The following LRP6 variants were observed in gnomAD, a reference collection of about 807,000 sequenced individuals.
LRP6 encodes low-density lipoprotein receptor-related protein 6.
LRP6 carries 43 observed loss-of-function variants against 184.1 expected under a neutral mutation model. The ratio of observed to expected loss-of-function variants is 0.23; its 90% CI spans 0.18 to 0.30. LRP6 has a LOEUF of 0.30. Among genes scored for constraint, LRP6 ranks in the 10% least tolerant of loss-of-function variants. The pLI, the probability that LRP6 is intolerant of heterozygous loss-of-function variation, is 1.00. For missense variants in LRP6, 1,571 were observed against 2,005.3 expected, an observed-to-expected ratio of 0.78 and a Z score of 4.14; for synonymous variants, 719 against 684.9, an observed-to-expected ratio of 1.05 and a Z score of -0.78.
intron 6 of LRP6, among the ~76,000 whole-genome samples, chr12:12,180,240 C>CTTTT (rs35341305): frequency 4.0e-5 from 5 of 126,122 alleles, no homozygotes; most frequent in African/African-American, 5.9e-5. Flanking sequence ...AGTTTTACTT[C>CTTTT]TTTTTTTTTT....
At position 12,140,196 on chromosome 12, in the gene LRP6, T is replaced by TA. The variant is rs574176546; in HGVS notation, c.3398-1663dup. ...CAGAAGAAAACAAATAAATACCAAT[T>TA]AAAAAAAAAACAAAAAACCTAAAGA... On this transcript the variant is annotated intron_variant, in intron 15 of 22. Transcript: ENST00000261349. Among the ~76,000 whole-genome samples the TA allele has an allele frequency of 6.0e-3, 854 of 142,136 alleles. 10 individuals are homozygous for TA. The highest frequency in any genetic ancestry group is 0.02 in the South Asian group (86 of 4,410). The allele number at this position is 142,136 out of a possible 152,430, so 93.2% of individuals were successfully genotyped here. A position where few individuals can be genotyped will look rare whatever the true frequency, so the allele number is the denominator to read the frequency against.
Position 12,119,765 on chromosome 12 carries a change from G to A in LRP6, c.*1361C>T, listed in dbSNP as rs1949568671. ...ATAATTTGTGGATAATTTGAAAACA[G>A]CCTAACATTCACAGTGGGTAACAGA... On this transcript the variant is annotated 3_prime_UTR_variant, in exon 23 of 23. Coordinates refer to ENST00000261349, the MANE Select transcript of LRP6 (RefSeq NM_002336.3). 1 of 151,800 alleles carries A rather than the reference G, an allele frequency of 6.6e-6. No homozygotes were observed. Among genetic ancestry groups the A allele is most frequent in the Non-Finnish European group, 1.5e-5 (1 of 67,960 alleles). 9.4% of individuals were successfully genotyped at this position (151,800 alleles called of 1,614,324 possible).
chr12:12,194,549 T>G (rs1043140339), intron 3 of LRP6, among the ~76,000 whole-genome samples: 9 of 152,156 alleles, frequency 5.9e-5, no homozygotes, highest in African/African-American at 2.2e-4. Context: ...TAGTTTAGTC[T>G]TAAGCCCCAT....
chr12:12,225,200 G>A (rs552766028), intron 2 of LRP6, among the ~76,000 whole-genome samples: 5 of 152,106 alleles, frequency 3.3e-5, no homozygotes, highest in South Asian at 2.1e-4. Flanking sequence ...GCGACAAAGC[G>A]AGACTCCACC....
chr12:12,168,466 T>C (rs1862946470), intron 7 of LRP6, among the ~76,000 whole-genome samples: 1 of 152,184 alleles, frequency 6.6e-6, no homozygotes, highest in South Asian at 2.1e-4. Flanking sequence ...ATGCCTTGAC[T>C]GAGATAGAAC....
chr12:12,266,629 G>C, intron 1 of LRP6, 52 bp downstream of exon 1: 3 of 1,255,044 alleles, frequency 2.4e-6, no homozygotes, highest in Non-Finnish European at 2.3e-6. Context: ...CATACAACAA[G>C]GCCACCTCCC....
intron 16 of LRP6, among the ~76,000 whole-genome samples, 179 bp from the exon 17 acceptor site, chr12:12,135,479 CATTATTATT>C (rs35053686): frequency 2.4e-4 from 34 of 144,178 alleles, no homozygotes; most frequent in Admixed American, 1.0e-3. Context: ...TTACTTTTAT[CATTATTATT>C]ATTATTATTA....
intron 2 of LRP6, among the ~76,000 whole-genome samples, chr12:12,205,325 C>CAAAAAAAAAAAAAAAAAA (rs1334062234): frequency 1.1e-4 from 3 of 26,244 alleles, no homozygotes; most frequent in Admixed American, 4.1e-4. Context: ...CTGTCTCAAA[C>CAAAAAAAAAAAAAAAAAA]AAACAAAAAA....
chr12:12,186,011 A>G (rs1863463278), intron 4 of LRP6, among the ~76,000 whole-genome samples: 1 of 151,662 alleles, frequency 6.6e-6, no homozygotes, highest in Non-Finnish European at 1.5e-5. Flanking sequence ...ACGCCTGGCT[A>G]ATATTTTTGT....
chr12:12,199,684 G>A (rs940234565), intron 3 of LRP6, among the ~76,000 whole-genome samples: 3 of 151,990 alleles, frequency 2.0e-5, no homozygotes, highest in East Asian at 1.9e-4. Flanking sequence ...AACAAGGCTC[G>A]GCCAGGCACG....
intron 7 of LRP6, among the ~76,000 whole-genome samples, chr12:12,167,807 A>G (rs2136957923): frequency 6.6e-6 from 1 of 152,338 alleles, no homozygotes; most frequent in South Asian, 2.1e-4. Context: ...AAATGTAAAC[A>G]GCTAAATGAT....
In LRP6 at chr12:12,138,007, TA is replaced by T. The variant is rs879734445; in HGVS notation, c.3607+317del. Reference sequence around the variant, plus strand: ...GTGAAACCCTGCTTCTACTAAAAATTAAAAAAAAAAAAAATTAGCGAGGCAT... The same window carrying T: ...GTGAAACCCTGCTTCTACTAAAAATTAAAAAAAAAAAAATTAGCGAGGCAT... On this transcript the variant is annotated intron_variant, in intron 16 of 22. Coordinates refer to ENST00000261349, the MANE Select transcript of LRP6 (RefSeq NM_002336.3). Among the ~76,000 whole-genome samples the T allele has an allele frequency of 3.2e-3, 444 of 139,716 alleles. 2 individuals carry two copies. Among genetic ancestry groups the T allele is most frequent in the Middle Eastern group, 7.3e-3 (2 of 274 alleles). The allele number at this position is 139,716 out of a possible 152,430, so 91.7% of individuals were successfully genotyped here. A position where few individuals can be genotyped will look rare whatever the true frequency, so the allele number is the denominator to read the frequency against.
intron 17 of LRP6, among the ~76,000 whole-genome samples, chr12:12,132,963 C>G (rs1316082022): frequency 1.3e-5 from 2 of 152,110 alleles, no homozygotes; most frequent in Non-Finnish European, 2.9e-5. Context: ...AACCCATAAC[C>G]TTATGATGTG....
intron 6 of LRP6, 101 bp downstream of exon 6, chr12:12,180,942 T>G: frequency 7.7e-7 from 1 of 1,301,944 alleles, no homozygotes; most frequent in South Asian, 1.2e-5. Flanking sequence ...AGCTGTTTAC[T>G]GGAAACCAAT....
chr12:12,159,224 GCTGGC>G, intron 11 of LRP6, 69 bp from the exon 12 acceptor site: 1 of 1,209,376 alleles, frequency 8.3e-7, no homozygotes, highest in Non-Finnish European at 1.2e-6. Flanking sequence ...CAAGTGTCTT[GCTGGC>G]AAAAAGAAAA....
intron 3 of LRP6, among the ~76,000 whole-genome samples, chr12:12,194,720 A>C (rs965605112): frequency 1.3e-5 from 2 of 152,092 alleles, no homozygotes; most frequent in African/African-American, 2.4e-5. Flanking sequence ...AACATTTAAC[A>C]TTTCTGTGTT....
intron 1 of LRP6, among the ~76,000 whole-genome samples, chr12:12,259,960 T>C (rs1163473560): frequency 6.6e-6 from 1 of 152,238 alleles, no homozygotes; most frequent in Non-Finnish European, 1.5e-5. Context: ...CTCAATTAGA[T>C]GTCTTGATAA....
intron 2 of LRP6, among the ~76,000 whole-genome samples, chr12:12,231,208 A>G (rs1864779169): frequency 6.7e-6 from 1 of 150,116 alleles, no homozygotes; most frequent in Non-Finnish European, 1.5e-5. Flanking sequence ...AAAAAAAAAA[A>G]GCAGTACATG....
intron 1 of LRP6, among the ~76,000 whole-genome samples, chr12:12,257,639 A>T (rs1007179620): frequency 6.7e-6 from 1 of 150,212 alleles, no homozygotes; most frequent in Non-Finnish European, 1.5e-5. Flanking sequence ...AAAAAAAAGA[A>T]AGAAAGAAAA....
Sources: gnomAD v4.1 joint callset for allele counts (sites outside exome capture counted in the v4.1 genomes callset) on GRCh38, gnomAD v4.1.1 for gene constraint, MANE v1.5 for transcripts, NCBI Gene and HGNC (gene_info 2026-07-23, HGNC 2026-07-21) for gene names.